PCDHGA1: variants seen among roughly 807,000 people sequenced by gnomAD.
The protein encoded by PCDHGA1 is protocadherin gamma-A1.
A neutral mutation model predicts 58.0 loss-of-function variants in PCDHGA1; 32 were observed. The ratio of observed to expected loss-of-function variants is 0.55; its 90% confidence interval spans 0.42 to 0.74. The LOEUF is 0.74. Among genes scored for constraint, PCDHGA1 ranks in the 30% least tolerant of loss-of-function variants. The pLI is 0.00. For missense variants in PCDHGA1, 1,205 were observed against 1,182.3 expected (o/e 1.02, Z -0.28); for synonymous variants, 498 against 501.1 (o/e 0.99, Z 0.08).
intron 1 of PCDHGA1, chr5:141,376,399 G>C (rs764497807): frequency 6.2e-7 from 1 of 1,614,182 alleles, no homozygotes; most frequent in South Asian, 1.1e-5. Flanking sequence ...TTTTCCCCCA[G>C]CCCAACTATG....
In PCDHGA1 at chr5:141,486,329, A is replaced by C. The variant is rs1045072240; in HGVS notation, c.2422-8478A>C. 1.2e-6 allele frequency: 2 copies of C among 1,613,882 alleles called. No individual in the cohort carries two copies. Among genetic ancestry groups the C allele is most frequent in the African/African-American group, 2.7e-5 (2 of 74,866 alleles). ...AGACTCAGGGTCAAACGGAGATGTG[A>C]GCCTCCGCATTCCTGACCACTTGCC... On this transcript the variant is annotated intron_variant, in intron 1 of 3. Transcript: ENST00000517417. The surrounding 1 kb of genome is among the most constrained non-coding windows in gnomAD (Gnocchi z 5.0).
At chr5:141,371,561 C>G (rs2240697) in intron 1 of PCDHGA1, 742,014 of 1,613,358 alleles carry the variant, frequency 0.46, 178,763 homozygotes, top group African/African-American at 0.84. Flanking sequence ...TAAAAGGAAA[C>G]TTCCCCTTTA....
chr5:141,488,815 T>A (rs769851687), intron 1 of PCDHGA1, among the ~76,000 whole-genome samples: 30 of 152,144 alleles, frequency 2.0e-4, no homozygotes, highest in Non-Finnish European at 4.1e-4. Context: ...ATCTGAGCTG[T>A]CAAACTTTGC....
chr5:141,422,541 T>C (rs1389095817), intron 1 of PCDHGA1: 1 of 1,613,992 alleles, frequency 6.2e-7, no homozygotes. Context: ...CAGAAACTCA[T>C]GTCTGGCTGA....
chr5:141,410,269 G>A, intron 1 of PCDHGA1: 1 of 1,614,060 alleles, frequency 6.2e-7, no homozygotes, highest in Non-Finnish European at 8.5e-7. Flanking sequence ...CTGAACTGCA[G>A]TTTTACCTGG....
chr5:141,351,335 G>A (rs1758694543), intron 1 of PCDHGA1: 2 of 1,613,592 alleles, frequency 1.2e-6, no homozygotes, highest in Non-Finnish European at 1.7e-6. Context: ...TTCAGACCTT[G>A]GAACTGTAAT....
intron 3 of PCDHGA1, among the ~76,000 whole-genome samples, chr5:141,508,738 A>C (rs1596171196): frequency 7.1e-5 from 10 of 141,304 alleles, no homozygotes; most frequent in Admixed American, 1.4e-4. Context: ...TACACCCCCC[A>C]CCCCGCTCTT....
intron 1 of PCDHGA1, chr5:141,346,426 T>C (rs890986492): frequency 1.2e-6 from 2 of 1,614,276 alleles, no homozygotes; most frequent in African/African-American, 1.3e-5. Context: ...CAGGATTTAC[T>C]TGAAATGAAA....
intron 2 of PCDHGA1, among the ~76,000 whole-genome samples, chr5:141,502,238 T>A (rs2099813398): frequency 6.6e-6 from 1 of 152,204 alleles, no homozygotes; most frequent in Non-Finnish European, 1.5e-5. Flanking sequence ...TGTGTTCTTT[T>A]ATCCTTTTTT....
Position 141,432,599 on chromosome 5 carries a change from C to T in PCDHGA1, c.2422-62208C>T. 2.5e-6 allele frequency: 4 copies of T among 1,613,908 alleles called. No individual in the cohort carries two copies. The highest frequency in any genetic ancestry group is 2.7e-5 in the African/African-American group (2 of 75,052). On this transcript the variant is annotated intron_variant, in intron 1 of 3. Coordinates refer to ENST00000517417, the MANE Select transcript of PCDHGA1 (RefSeq NM_018912.3). The surrounding 1 kb of genome is among the most constrained non-coding windows in gnomAD (Gnocchi z 6.0). Reference sequence around the variant, plus strand: ...CTACCGTCTGCTCAAGGCCAGCGAGCCGGGACTCTTCTCGGTGGGTCTGCA... The same window carrying T: ...CTACCGTCTGCTCAAGGCCAGCGAGTCGGGACTCTTCTCGGTGGGTCTGCA...
chr5:141,477,211 C>G lies in PCDHGA1; in HGVS notation c.2422-17596C>G. 2 of 1,614,154 alleles carry G rather than the reference C, an allele frequency of 1.2e-6. No individual in the cohort carries two copies. Among genetic ancestry groups the G allele is most frequent in the Non-Finnish European group, 1.7e-6 (2 of 1,180,036 alleles). On this transcript the variant is annotated intron_variant, in intron 1 of 3. Transcript: ENST00000517417. The surrounding 1 kb of genome is among the most constrained non-coding windows in gnomAD (Gnocchi z 4.9). ...TGTACAGCCCAGTACCCGAGGATGC[C>G]CCTCTGGGGACTGTCATCGCTTTGC...
intron 2 of PCDHGA1, among the ~76,000 whole-genome samples, chr5:141,497,643 G>A (rs773129390): frequency 6.6e-6 from 1 of 151,192 alleles, no homozygotes; most frequent in African/African-American, 2.4e-5. Context: ...AGGTTCAAGC[G>A]ATTCTCCTGC....
chr5:141,357,282 G>T, intron 1 of PCDHGA1: 2 of 1,613,964 alleles, frequency 1.2e-6, no homozygotes, highest in Non-Finnish European at 1.7e-6. Context: ...TCTATCTCGT[G>T]GTGGCAGTGG....
chr5:141,374,926 TG>T, intron 1 of PCDHGA1: 2 of 1,613,970 alleles, frequency 1.2e-6, no homozygotes, highest in Non-Finnish European at 1.7e-6. Context: ...CTTATTCCTT[TG>T]TGAAGATTAC....
chr5:141,479,731 G>C (rs1176632022), intron 1 of PCDHGA1: 1 of 152,216 alleles, frequency 6.6e-6, no homozygotes, highest in East Asian at 1.9e-4. Context: ...TTTTTCTTAA[G>C]TATATGCACA....
At chr5:141,349,551 A>G (rs1286734039) in intron 1 of PCDHGA1, among the ~76,000 whole-genome samples, 2 of 152,224 alleles carry the variant, frequency 1.3e-5, no homozygotes, top group Non-Finnish European at 2.9e-5. Flanking sequence ...AAGAAGAGAA[A>G]TAACATAATA....
At chr5:141,351,157 C>G (rs748506914) in intron 1 of PCDHGA1, 2 of 1,614,010 alleles carry the variant, frequency 1.2e-6, no homozygotes, top group South Asian at 1.1e-5. Flanking sequence ...ACATCACAAC[C>G]AATGGCACAT....
intron 1 of PCDHGA1, chr5:141,344,039 C>T (rs373529111): frequency 1.2e-5 from 18 of 1,549,704 alleles, no homozygotes; most frequent in Non-Finnish European, 8.7e-6. Context: ...AGGAAATGAC[C>T]AATTGCCTGA....
At chr5:141,404,147 G>C in intron 1 of PCDHGA1, 1 of 1,612,990 alleles carries the variant, frequency 6.2e-7, no homozygotes, top group African/African-American at 1.3e-5. Context: ...AAATTCAGAA[G>C]AAGATTATTA....
Sources: gnomAD v4.1 joint callset for allele counts (sites outside exome capture counted in the v4.1 genomes callset) on GRCh38, gnomAD v4.1.1 for gene constraint, Gnocchi (gnomAD v3.1) non-coding constraint, MANE v1.5 for transcripts, NCBI Gene and HGNC (gene_info 2026-07-23, HGNC 2026-07-21) for gene names.